SYNPO2: variants seen among roughly 807,000 people sequenced by gnomAD.
SYNPO2 encodes the protein synaptopodin-2.
In SYNPO2, 56 loss-of-function variants were observed where a neutral mutation model predicts 85.0. The ratio of observed to expected loss-of-function variants is 0.66; its 90% CI spans 0.53 to 0.82. SYNPO2 has a LOEUF of 0.82. SYNPO2 is among the 40% of genes least tolerant of loss of function. The pLI, the probability that SYNPO2 is intolerant of heterozygous loss-of-function variation, is 0.00. For synonymous variants in SYNPO2, 602 were observed against 591.1 expected (o/e 1.02, Z -0.27); for missense variants, 1,575 against 1,534.2 (o/e 1.03, Z -0.44).
chr4:118,983,591 A>G (rs1282950014), intron 1 of SYNPO2, among the ~76,000 whole-genome samples: 1 of 152,152 alleles, frequency 6.6e-6, no homozygotes, highest in Non-Finnish European at 1.5e-5. Flanking sequence ...GAATTCAATA[A>G]CAAGCATACT....
intron 1 of SYNPO2, among the ~76,000 whole-genome samples, chr4:118,895,899 A>C (rs1732536640): frequency 6.6e-6 from 1 of 152,238 alleles, no homozygotes; most frequent in South Asian, 2.1e-4. Flanking sequence ...TATTTGGCTA[A>C]AAATACTTCA....
At chr4:118,916,561 A>G (rs1486287776) in intron 1 of SYNPO2, among the ~76,000 whole-genome samples, 1 of 146,890 alleles carries the variant, frequency 6.8e-6, no homozygotes, top group Non-Finnish European at 1.5e-5. Flanking sequence ...CCTATTACTT[A>G]CTATTAGATC....
At chr4:118,907,804 T>TA (rs1732987629) in intron 1 of SYNPO2, among the ~76,000 whole-genome samples, 1 of 152,186 alleles carries the variant, frequency 6.6e-6, no homozygotes, top group African/African-American at 2.4e-5. Context: ...ACCACATTAT[T>TA]AACACTTTGG....
chr4:118,985,333 C>A (rs1444909850), intron 1 of SYNPO2, among the ~76,000 whole-genome samples: 1 of 152,238 alleles, frequency 6.6e-6, no homozygotes, highest in Non-Finnish European at 1.5e-5. Flanking sequence ...GCTCCTGGAA[C>A]ATGATTTGCC....
intron 4 of SYNPO2, among the ~76,000 whole-genome samples, chr4:119,054,605 C>G (rs1322449832): frequency 6.6e-6 from 1 of 152,148 alleles, no homozygotes; most frequent in Non-Finnish European, 1.5e-5. Flanking sequence ...GTCTGGCCGT[C>G]TCCTCTAAGG....
intron 1 of SYNPO2, among the ~76,000 whole-genome samples, chr4:118,924,364 A>G (rs919173500): frequency 1.3e-5 from 2 of 148,222 alleles, no homozygotes; most frequent in African/African-American, 2.6e-5. Flanking sequence ...GGTGTTGGCC[A>G]TTGCCTTTTA....
intron 1 of SYNPO2, among the ~76,000 whole-genome samples, chr4:119,010,858 C>T (rs574684811): frequency 6.6e-6 from 1 of 152,244 alleles, no homozygotes; most frequent in African/African-American, 2.4e-5. Context: ...AATCTTTAAG[C>T]TACAACTCCA....
intron 1 of SYNPO2, among the ~76,000 whole-genome samples, chr4:118,980,917 TG>T (rs1221970323): frequency 1.3e-5 from 2 of 152,336 alleles, no homozygotes; most frequent in South Asian, 4.1e-4. Flanking sequence ...GAGTCTGGAA[TG>T]GTTAAGCGAC....
intron 4 of SYNPO2, among the ~76,000 whole-genome samples, chr4:119,051,818 C>A (rs1739060002): frequency 6.6e-6 from 1 of 152,142 alleles, no homozygotes; most frequent in Non-Finnish European, 1.5e-5. Flanking sequence ...AAGTGAGATT[C>A]CAGATTCAAA....
At position 119,027,949 on chromosome 4, in the gene SYNPO2, A is replaced by T. The variant is rs1279385030; in HGVS notation, c.1069+511A>T. Among the ~76,000 whole-genome samples, 3 of 152,200 alleles carry T rather than the reference A, an allele frequency of 2.0e-5. No individual in the cohort carries two copies. In the East Asian group the frequency reaches 5.8e-4, roughly 29 times the overall value. On this transcript the variant is annotated intron_variant, in intron 3 of 4. Coordinates refer to ENST00000307142, the MANE Select transcript of SYNPO2 (RefSeq NM_133477.3). ...GCAGAAGTGAGTTTGACAGACAAGG[A>T]CATGTGTATACTGAGCAGTTACATG...
intron 4 of SYNPO2, among the ~76,000 whole-genome samples, chr4:119,051,903 AAAAGGGG>A (rs1188916360): frequency 5.3e-5 from 8 of 152,194 alleles, no homozygotes; most frequent in Non-Finnish European, 1.2e-4. Flanking sequence ...CCAAGTGATT[AAAAGGGG>A]TTGATTATGG....
chr4:118,863,756 C>T (rs909233079), intron 1 of SYNPO2, among the ~76,000 whole-genome samples: 1 of 151,738 alleles, frequency 6.6e-6, no homozygotes, highest in Non-Finnish European at 1.5e-5. Context: ...GGACTACAGG[C>T]GCAAGCCATC....
chr4:118,881,382 G>C (rs1291811726), intron 1 of SYNPO2, among the ~76,000 whole-genome samples: 3 of 152,082 alleles, frequency 2.0e-5, no homozygotes, highest in Non-Finnish European at 2.9e-5. Flanking sequence ...CCAGAGGGAA[G>C]TGACCATCTG....
chr4:118,882,440 T>A (rs528346755), intron 1 of SYNPO2, among the ~76,000 whole-genome samples: 1 of 152,364 alleles, frequency 6.6e-6, no homozygotes, highest in South Asian at 2.1e-4. Flanking sequence ...GCGATATTTA[T>A]TAAAAAACAT....
chr4:118,889,175 T>TAGGA (rs760668549), intron 1 of SYNPO2, 34 bp downstream of exon 1: 1 of 1,595,588 alleles, frequency 6.3e-7, no homozygotes, highest in Non-Finnish European at 8.6e-7. Flanking sequence ...GGCTCTGTGC[T>TAGGA]AGGAAGGAAG....
At chr4:119,038,298 G>C in intron 4 of SYNPO2, 2 of 944,196 alleles carry the variant, frequency 2.1e-6, no homozygotes, top group Non-Finnish European at 2.5e-6. Context: ...AGATGGCTCA[G>C]AAAATCAGAT....
intron 1 of SYNPO2, among the ~76,000 whole-genome samples, chr4:118,889,791 G>T (rs1463467956): frequency 1.3e-5 from 2 of 152,146 alleles, no homozygotes; most frequent in Non-Finnish European, 2.9e-5. Context: ...AATATATTAT[G>T]AGTAACTAAG....
chr4:119,043,410 T>C (rs1034816445), intron 4 of SYNPO2: 1 of 152,174 alleles, frequency 6.6e-6, no homozygotes, highest in African/African-American at 2.4e-5. Context: ...CATCAATGCA[T>C]TTGCATGAAT....
chr4:119,057,251 C>T (rs1287419842), intron 4 of SYNPO2, 150 bp from the exon 5 acceptor site: 15 of 926,378 alleles, frequency 1.6e-5, no homozygotes, highest in Non-Finnish European at 2.1e-5. Flanking sequence ...CATGTCCTGG[C>T]TTTAAGACTA....
Sources: gnomAD v4.1 joint callset for allele counts (sites outside exome capture counted in the v4.1 genomes callset) on GRCh38, gnomAD v4.1.1 for gene constraint, MANE v1.5 for transcripts, NCBI Gene and HGNC (gene_info 2026-07-23, HGNC 2026-07-21) for gene names.